Variants in ANO3 observed in about 807,000 individuals in gnomAD.
ANO3 encodes the protein anoctamin 3.
In ANO3, 99 loss-of-function variants were observed where a neutral mutation model predicts 144.8. The ratio of observed to expected loss-of-function variants is 0.68; its 90% CI spans 0.58 to 0.81. The LOEUF is 0.81. ANO3 is among the 30% of genes least tolerant of loss of function. ANO3 has a pLI of 0.00. For missense variants in ANO3, 905 were observed against 1,202.2 expected, an observed-to-expected ratio of 0.75 and a Z score of 3.66; for synonymous variants, 414 against 392.6, an observed-to-expected ratio of 1.05 and a Z score of -0.64.
chr11:26,515,818 T>C (rs1205707758), intron 5 of ANO3, among the ~76,000 whole-genome samples: 2 of 151,972 alleles, frequency 1.3e-5, no homozygotes, highest in Non-Finnish European at 2.9e-5. Flanking sequence ...ACAGTTCTTT[T>C]ATTTCAGATG....
At position 26,210,114 on chromosome 11, in the gene ANO3, T is replaced by G. The variant is rs147892972; in HGVS notation, c.154+20784T>G. On this transcript the variant is annotated intron_variant, in intron 1 of 27. Coordinates refer to the ANO3 transcript ENST00000672621. ...GGTTTTCTGCTATGGTTTTTATGGT[T>G]TTAGGTCTTATGTTTAAGCCTTTCA... is the stretch of plus-strand genomic sequence containing the variant. 1.5e-3 allele frequency among the ~76,000 whole-genome samples: 231 copies of G among 152,338 alleles called. 2 individuals are homozygous for G. The highest frequency in any genetic ancestry group is 5.3e-3 in the African/African-American group (222 of 41,576).
At chr11:26,493,290 C>T (rs1398703056) in intron 4 of ANO3, among the ~76,000 whole-genome samples, 3 of 152,048 alleles carry the variant, frequency 2.0e-5, no homozygotes, top group African/African-American at 7.3e-5. Context: ...TTTTAATAAT[C>T]TGGATTTCGT....
In ANO3 at chr11:26,332,321, G is replaced by T; in HGVS notation, c.46G>T (p.Gly16Cys). Residue 16 changes from glycine to cysteine, a missense_variant and splice_region_variant, in exon 1 of 27, where the codon GGT becomes TGT. Coordinates refer to ENST00000256737, the MANE Select transcript of ANO3 (RefSeq NM_031418.4). ...CATTCAGTCCTTTAAACAGCAAAAA[G>T]GTCAGTTGGAATCTTGCTCCCCTCT... Reference protein sequence around the residue: ...GSIQSFKQQKGMNISKSEITK... With the variant: ...GSIQSFKQQKCMNISKSEITK... 1 of 1,613,740 alleles carries T rather than the reference G, an allele frequency of 6.2e-7. No homozygotes were observed. The highest frequency in any genetic ancestry group is 8.5e-7 in the Non-Finnish European group (1 of 1,179,980).
chr11:26,659,875 C>T (rs1032663472), intron 26 of ANO3, among the ~76,000 whole-genome samples: 10 of 152,062 alleles, frequency 6.6e-5, no homozygotes, highest in African/African-American at 2.4e-4. Flanking sequence ...ATGTGGTTTA[C>T]ATGATATGTG....
At chr11:26,639,595 A>G (rs1489529011) in intron 21 of ANO3, among the ~76,000 whole-genome samples, 1 of 152,176 alleles carries the variant, frequency 6.6e-6, no homozygotes, top group Non-Finnish European at 1.5e-5. Flanking sequence ...TTCTTTTGCT[A>G]CCAGCAGACC....
At chr11:26,594,352 T>A (rs904497860) in intron 14 of ANO3, among the ~76,000 whole-genome samples, 4 of 152,178 alleles carry the variant, frequency 2.6e-5, no homozygotes, top group African/African-American at 9.7e-5. Flanking sequence ...CACCAAACTC[T>A]CGGGCTGCAG....
chr11:26,526,315 G>A (rs767443114), intron 7 of ANO3, among the ~76,000 whole-genome samples: 1 of 152,112 alleles, frequency 6.6e-6, no homozygotes, highest in Non-Finnish European at 1.5e-5. Context: ...TCTTCCATCT[G>A]AATCTTTTTG....
intron 1 of ANO3, among the ~76,000 whole-genome samples, chr11:26,200,502 C>T (rs1055194988): frequency 2.0e-5 from 3 of 152,102 alleles, no homozygotes; most frequent in Admixed American, 6.6e-5. Context: ...TTATTTAGCA[C>T]CTCTTCTGTG....
At chr11:26,657,183 G>A (rs1470542233) in intron 26 of ANO3, among the ~76,000 whole-genome samples, 1 of 152,072 alleles carries the variant, frequency 6.6e-6, no homozygotes, top group African/African-American at 2.4e-5. Context: ...TCAGAGAAAA[G>A]GTAGCTATGA....
chr11:26,559,871 C>A, intron 14 of ANO3, 92 bp downstream of exon 14: 12 of 797,752 alleles, frequency 1.5e-5, no homozygotes, highest in Non-Finnish European at 2.5e-5. Flanking sequence ...CACACACACA[C>A]ACACCATGAA....
intron 1 of ANO3, among the ~76,000 whole-genome samples, chr11:26,302,615 A>G (rs1267783074): frequency 6.6e-6 from 1 of 151,716 alleles, no homozygotes; most frequent in Non-Finnish European, 1.5e-5. Flanking sequence ...TATATTTACC[A>G]TTATAGAAAA....
At position 26,542,022 on chromosome 11, in the gene ANO3, GC is replaced by G; in HGVS notation, c.1109del (p.Ala370AspfsTer14). On this transcript the variant is annotated frameshift_variant, in exon 11 of 27. Transcript: ENST00000256737. LOFTEE classifies it high-confidence loss of function. ...CAGACATCTATTATATGAGCGCTGG[GC>G]ACGCTGGGGAATGTGGTATAAGCAT... Reference protein sequence around the residue: ...NNRHLLYERWARWGMWYKHQP... With the variant: ...NNRHLLYERWXRWGMWYKHQP... The G allele has an allele frequency of 1.9e-6, 3 of 1,612,798 alleles. No homozygotes were observed. The highest frequency in any genetic ancestry group is 2.5e-6 in the Non-Finnish European group (3 of 1,179,174).
intron 14 of ANO3, among the ~76,000 whole-genome samples, chr11:26,564,732 CATATATATATATATATAT>C (rs66510170): frequency 2.0e-3 from 51 of 25,410 alleles, no homozygotes; most frequent in East Asian, 7.3e-3. Context: ...CACACACACA[CATATATATATATATATAT>C]ATATATATAT....
chr11:26,366,773 CTTCTT>C (rs1434993871), intron 1 of ANO3, among the ~76,000 whole-genome samples: 1 of 147,808 alleles, frequency 6.8e-6, no homozygotes, highest in African/African-American at 2.6e-5. Flanking sequence ...GCATAAATGT[CTTCTT>C]TTGAGAAATG....
intron 1 of ANO3, among the ~76,000 whole-genome samples, chr11:26,284,347 A>C (rs1382389490): frequency 6.6e-6 from 1 of 152,140 alleles, no homozygotes; most frequent in Non-Finnish European, 1.5e-5. Context: ...AATGGGTTGA[A>C]CGGGAAGCAA....
intron 1 of ANO3, among the ~76,000 whole-genome samples, chr11:26,369,972 C>G (rs1001148461): frequency 2.0e-5 from 3 of 152,180 alleles, no homozygotes; most frequent in Non-Finnish European, 2.9e-5. Flanking sequence ...CATAGTCAGA[C>G]TACTCTTGAT....
upstream of ANO3, among the ~76,000 whole-genome samples, chr11:26,328,377 A>G (rs965637015): frequency 6.6e-6 from 1 of 152,206 alleles, no homozygotes; most frequent in African/African-American, 2.4e-5. Flanking sequence ...GAAGCAGGAA[A>G]GTACTGCTTT....
intron 18 of ANO3, among the ~76,000 whole-genome samples, chr11:26,631,591 T>A (rs1382170323): frequency 2.0e-5 from 3 of 151,862 alleles, no homozygotes; most frequent in Admixed American, 6.6e-5. Context: ...AAAAATAAAA[T>A]CCAGCTAGAT....
chr11:26,305,537 T>C (rs112011337), upstream of ANO3, among the ~76,000 whole-genome samples: 4 of 152,144 alleles, frequency 2.6e-5, no homozygotes, highest in African/African-American at 9.6e-5. Context: ...TTCAGAGGAA[T>C]AGCAAATTTG....
Sources: allele counts gnomAD v4.1 joint callset (sites outside exome capture counted in the v4.1 genomes callset), GRCh38; gene constraint gnomAD v4.1.1; transcripts MANE v1.5; gene names NCBI Gene and HGNC (gene_info 2026-07-23, HGNC 2026-07-21).